The following STAU2 variants were observed in gnomAD, a reference collection of about 807,000 sequenced individuals.
The protein encoded by STAU2 is staufen double-stranded RNA binding protein 2, also known as double-stranded RNA-binding protein Staufen homolog 2.
In STAU2, 20 loss-of-function variants were observed where a neutral mutation model predicts 65.9. The ratio of observed to expected loss-of-function variants is 0.30; its 90% CI spans 0.21 to 0.44. The LOEUF (loss-of-function observed/expected upper bound fraction) is 0.44. Among genes scored for constraint, STAU2 ranks in the 20% least tolerant of loss-of-function variants. The pLI, the probability that STAU2 is intolerant of heterozygous loss-of-function variation, is 1.00. For missense variants in STAU2, 558 were observed against 683.9 expected, an observed-to-expected ratio of 0.82 and a Z score of 2.05; for synonymous variants, 232 against 233.9, an observed-to-expected ratio of 0.99 and a Z score of 0.07.
At chr8:73,468,375 C>G (rs1053685875) in intron 13 of STAU2, among the ~76,000 whole-genome samples, 1 of 152,156 alleles carries the variant, frequency 6.6e-6, no homozygotes, top group Non-Finnish European at 1.5e-5. Context: ...TAGGCAATAC[C>G]GTTCAGGACA....
chr8:73,650,945 G>T (rs572458461), intron 6 of STAU2, among the ~76,000 whole-genome samples: 2 of 152,288 alleles, frequency 1.3e-5, no homozygotes, highest in African/African-American at 4.8e-5. Context: ...ACGTCAAGTC[G>T]ATAAAGGAAC....
chr8:73,433,603 C>G (rs77310658), intron 13 of STAU2, among the ~76,000 whole-genome samples: 10,262 of 150,644 alleles, frequency 0.068, 1,062 homozygotes, highest in African/African-American at 0.21. Flanking sequence ...CGGGTTCAAG[C>G]GATTCTTGTG....
intron 13 of STAU2, among the ~76,000 whole-genome samples, chr8:73,512,307 G>C (rs541378284): frequency 6.6e-6 from 1 of 152,296 alleles, no homozygotes; most frequent in South Asian, 2.1e-4. Flanking sequence ...GATTTTGACA[G>C]GGATTGTATT....
chr8:73,581,691 T>C (rs1005121111), intron 12 of STAU2, among the ~76,000 whole-genome samples: 7 of 152,168 alleles, frequency 4.6e-5, no homozygotes, highest in Admixed American at 4.6e-4. Context: ...CACCCCTATT[T>C]ATACAGGCCA....
chr8:73,503,589 C>G (rs1367909299), intron 13 of STAU2, among the ~76,000 whole-genome samples: 2 of 150,860 alleles, frequency 1.3e-5, no homozygotes, highest in Non-Finnish European at 2.9e-5. Flanking sequence ...CATAGGGATA[C>G]TAAATGTTTG....
At chr8:73,570,160 C>A (rs1019782621) in intron 12 of STAU2, among the ~76,000 whole-genome samples, 20 of 152,156 alleles carry the variant, frequency 1.3e-4, no homozygotes, top group African/African-American at 4.6e-4. Flanking sequence ...ACAAGAACTA[C>A]GTGACGCATG....
rs183303983 is a variant in STAU2 at position 73,680,854 on chromosome 8, A to C, written c.275-7612T>G. On this transcript the variant is annotated intron_variant, in intron 5 of 14. Transcript: ENST00000524300. ...GTTTCAACAATAGAATCAAACAAGC[A>C]GAAGAAAGAACTTCAGAGCTCAAAG... Among the ~76,000 whole-genome samples, 112 of 152,164 alleles carry C rather than the reference A, an allele frequency of 7.4e-4. 1 individual carries two copies. The East Asian group carries it at 0.021, about 28-fold the overall frequency.
chr8:73,671,280 A>T (rs546693842), intron 6 of STAU2, among the ~76,000 whole-genome samples: 64 of 151,912 alleles, frequency 4.2e-4, no homozygotes, highest in Non-Finnish European at 8.1e-4. Context: ...AAAATACAAA[A>T]ATTAGCCGGA....
At chr8:73,508,361 G>A (rs1822187311) in intron 13 of STAU2, among the ~76,000 whole-genome samples, 1 of 152,158 alleles carries the variant, frequency 6.6e-6, no homozygotes, top group Non-Finnish European at 1.5e-5. Flanking sequence ...AGGGAGGCCT[G>A]AGGAGATGGA....
chr8:73,516,265 C>T (rs548857910), intron 13 of STAU2, among the ~76,000 whole-genome samples: 10 of 152,186 alleles, frequency 6.6e-5, no homozygotes, highest in Admixed American at 2.0e-4. Context: ...TCTTACCAAA[C>T]AGTAGAAAAC....
At chr8:73,475,218 C>T (rs1820254028) in intron 13 of STAU2, among the ~76,000 whole-genome samples, 1 of 152,110 alleles carries the variant, frequency 6.6e-6, no homozygotes, top group African/African-American at 2.4e-5. Flanking sequence ...TATGAAAATA[C>T]ATTAAATGTA....
intron 13 of STAU2, among the ~76,000 whole-genome samples, chr8:73,490,178 G>A (rs1244238657): frequency 6.6e-6 from 1 of 151,944 alleles, no homozygotes; most frequent in African/African-American, 2.4e-5. Flanking sequence ...ATGGATGTTC[G>A]TGTAAATGAC....
At chr8:73,734,593 A>T (rs1409744613) in intron 3 of STAU2, among the ~76,000 whole-genome samples, 1 of 152,196 alleles carries the variant, frequency 6.6e-6, no homozygotes, top group African/African-American at 2.4e-5. Flanking sequence ...CAGAAGTTCG[A>T]GACCAGCCTG....
intron 13 of STAU2, among the ~76,000 whole-genome samples, chr8:73,542,065 C>T (rs1042032360): frequency 7.1e-6 from 1 of 140,882 alleles, no homozygotes; most frequent in African/African-American, 2.6e-5. Context: ...ATAAAAAACA[C>T]CATTTTTTAA....
At chr8:73,558,269 T>C (rs527652324) in intron 12 of STAU2, among the ~76,000 whole-genome samples, 7 of 152,304 alleles carry the variant, frequency 4.6e-5, no homozygotes, top group East Asian at 1.9e-4. Context: ...ATGATGGTTG[T>C]CCCTAGATGT....
At chr8:73,668,058 TCCCTACC>T (rs1817363855) in intron 6 of STAU2, among the ~76,000 whole-genome samples, 1 of 152,134 alleles carries the variant, frequency 6.6e-6, no homozygotes, top group African/African-American at 2.4e-5. Context: ...GTAAAGTATG[TCCCTACC>T]CCCAACCAAG....
At chr8:73,611,948 G>T (rs942325156) in intron 9 of STAU2, among the ~76,000 whole-genome samples, 2 of 152,142 alleles carry the variant, frequency 1.3e-5, no homozygotes, top group Non-Finnish European at 2.9e-5. Flanking sequence ...TCCCAAAAGT[G>T]CTGGGATTAC....
At chr8:73,555,557 AAAC>A (rs1646486751) in intron 12 of STAU2, among the ~76,000 whole-genome samples, 2 of 152,182 alleles carry the variant, frequency 1.3e-5, no homozygotes, top group Admixed American at 6.5e-5. Flanking sequence ...ACAACAACAA[AAAC>A]AACAACAAAA....
At chr8:73,621,306 C>T (rs1813212514) in intron 6 of STAU2, among the ~76,000 whole-genome samples, 1 of 152,136 alleles carries the variant, frequency 6.6e-6, no homozygotes, top group African/African-American at 2.4e-5. Context: ...TGCTGGCATT[C>T]ATTTCCTCTC....
Sources: gnomAD v4.1 joint callset for allele counts (sites outside exome capture counted in the v4.1 genomes callset) on GRCh38, gnomAD v4.1.1 for gene constraint, MANE v1.5 for transcripts, NCBI Gene and HGNC (gene_info 2026-07-23, HGNC 2026-07-21) for gene names.